The following SLC24A3 variants were observed in gnomAD, a reference collection of about 807,000 sequenced individuals.
The protein encoded by SLC24A3 is solute carrier family 24 member 3.
A neutral mutation model predicts 75.8 loss-of-function variants in SLC24A3; 28 were observed. The ratio of observed to expected loss-of-function variants is 0.37; its 90% CI spans 0.27 to 0.51. The LOEUF is 0.51. Among genes scored for constraint, SLC24A3 ranks in the 20% least tolerant of loss-of-function variants. The probability of loss-of-function intolerance (pLI) is 0.94; values close to 1 mark genes in which losing one functional copy is unlikely to be tolerated. For synonymous variants in SLC24A3, 372 were observed against 334.1 expected (o/e 1.11, Z -1.24); for missense variants, 663 against 847.8 (o/e 0.78, Z 2.71).
rs548471433 is a variant in SLC24A3 at position 19,696,625 on chromosome 20, C to T, written c.1492-172C>T. 628 of 503,946 alleles carry T rather than the reference C, an allele frequency of 1.2e-3. 2 individuals are homozygous for T. The highest frequency in any genetic ancestry group is 4.0e-3 in the South Asian group (109 of 27,108). The allele number at this position is 503,946 out of a possible 1,614,324, so 31.2% of individuals were successfully genotyped here. On this transcript the variant is annotated intron_variant, in intron 13 of 16. Transcript: ENST00000328041. ...AGCACCGTCCCCTGACCTGCAGCCC[C>T]GGTCGGCATCCACATAGTGTTTGTC...
chr20:19,490,779 G>A (rs988662692), intron 2 of SLC24A3, among the ~76,000 whole-genome samples: 1 of 152,116 alleles, frequency 6.6e-6, no homozygotes, highest in African/African-American at 2.4e-5. Flanking sequence ...ACTGCCTAGG[G>A]GGCAAATGGG....
At chr20:19,213,090 A>G (rs1981452530) in intron 1 of SLC24A3, 106 bp downstream of exon 1, 7 of 1,124,416 alleles carry the variant, frequency 6.2e-6, no homozygotes, top group Non-Finnish European at 7.7e-6. Context: ...GAGCCCCAGG[A>G]TAAGCGGGCT....
chr20:19,365,177 T>C (rs1357839062), intron 2 of SLC24A3, among the ~76,000 whole-genome samples: 1 of 152,198 alleles, frequency 6.6e-6, no homozygotes, highest in Non-Finnish European at 1.5e-5. Flanking sequence ...TGACTTTCCC[T>C]CAAGCCAACT....
chr20:19,407,145 G>C (rs1986661207), intron 2 of SLC24A3, among the ~76,000 whole-genome samples: 2 of 152,150 alleles, frequency 1.3e-5, no homozygotes, highest in Non-Finnish European at 2.9e-5. Context: ...GGATCTTGTT[G>C]GATGCATTAA....
intron 2 of SLC24A3, among the ~76,000 whole-genome samples, chr20:19,404,484 C>T (rs1986607072): frequency 6.6e-6 from 1 of 152,178 alleles, no homozygotes; most frequent in African/African-American, 2.4e-5. Context: ...AAGGAATTAC[C>T]AGGAAACAAG....
chr20:19,612,696 C>A (rs182421262), intron 6 of SLC24A3, among the ~76,000 whole-genome samples: 8 of 151,998 alleles, frequency 5.3e-5, no homozygotes, highest in African/African-American at 1.9e-4. Flanking sequence ...ATCACCCCCC[C>A]TCTGCTGCCA....
intron 2 of SLC24A3, among the ~76,000 whole-genome samples, chr20:19,333,147 A>G (rs769678077): frequency 6.6e-6 from 1 of 152,198 alleles, no homozygotes; most frequent in Non-Finnish European, 1.5e-5. Context: ...ACTTCAAGCC[A>G]TGTGGCTGTC....
At chr20:19,299,177 CGTGTGTGTGTGT>C (rs761006484) in intron 2 of SLC24A3, among the ~76,000 whole-genome samples, 2 of 130,320 alleles carry the variant, frequency 1.5e-5, no homozygotes, top group Non-Finnish European at 3.1e-5. Flanking sequence ...TCTTCCCCTT[CGTGTGTGTGTGT>C]GTGTGTGTAT....
At chr20:19,485,384 G>A (rs1478442266) in intron 2 of SLC24A3, among the ~76,000 whole-genome samples, 1 of 152,100 alleles carries the variant, frequency 6.6e-6, no homozygotes, top group Non-Finnish European at 1.5e-5. Context: ...GAAAATTGCA[G>A]TATACATACC....
intron 2 of SLC24A3, among the ~76,000 whole-genome samples, chr20:19,509,326 C>T (rs1303051175): frequency 2.0e-5 from 3 of 152,194 alleles, no homozygotes; most frequent in Non-Finnish European, 2.9e-5. Flanking sequence ...TTAAAAAATG[C>T]GCTGAGTACT....
chr20:19,393,561 A>G (rs1020117899), intron 2 of SLC24A3, among the ~76,000 whole-genome samples: 2 of 152,214 alleles, frequency 1.3e-5, no homozygotes, highest in African/African-American at 4.8e-5. Context: ...TAAAATAACA[A>G]TGAATAAGCT....
Position 19,593,889 on chromosome 20 carries a change from C to T in SLC24A3, c.612+8345C>T, listed in dbSNP as rs967309479. On this transcript the variant is annotated intron_variant, in intron 6 of 16. Transcript: ENST00000328041. ...AATGCCTTCTTCCGCACTGCTGCAACATGTGACATCTGCTGAGCTCGTTCT... is the reference window on the plus strand; with the variant it reads ...AATGCCTTCTTCCGCACTGCTGCAATATGTGACATCTGCTGAGCTCGTTCT... Among the ~76,000 whole-genome samples the T allele has an allele frequency of 1.6e-4, 24 of 152,180 alleles. 1 individual carries two copies. The highest frequency in any genetic ancestry group is 3.2e-3 in the Middle Eastern group (1 of 316).
At chr20:19,506,437 A>T (rs114507714) in intron 2 of SLC24A3, among the ~76,000 whole-genome samples, 2,594 of 152,254 alleles carry the variant, frequency 0.017, 67 homozygotes, top group African/African-American at 0.059. Context: ...ATGCCCTTAA[A>T]AAAACAAGAA....
At chr20:19,443,511 A>T (rs1163337349) in intron 2 of SLC24A3, among the ~76,000 whole-genome samples, 1 of 152,166 alleles carries the variant, frequency 6.6e-6, no homozygotes, top group African/African-American at 2.4e-5. Flanking sequence ...TGACTTTTGT[A>T]AATTAACCTT....
intron 1 of SLC24A3, among the ~76,000 whole-genome samples, chr20:19,248,820 A>G (rs967462580): frequency 6.6e-6 from 1 of 151,750 alleles, no homozygotes; most frequent in Non-Finnish European, 1.5e-5. Flanking sequence ...TTCAGACTTG[A>G]AAGATGATGT....
At chr20:19,623,945 G>A (rs2031836631) in intron 6 of SLC24A3, among the ~76,000 whole-genome samples, 2 of 152,158 alleles carry the variant, frequency 1.3e-5, no homozygotes, top group South Asian at 4.1e-4. Flanking sequence ...AGGGGGAATT[G>A]AAGAGCATGC....
chr20:19,411,862 T>C (rs979237705), intron 2 of SLC24A3, among the ~76,000 whole-genome samples: 1 of 152,212 alleles, frequency 6.6e-6, no homozygotes, highest in Admixed American at 6.5e-5. Context: ...GTTGACAATT[T>C]TTTTGTACAT....
chr20:19,501,596 A>G (rs2122542957), intron 2 of SLC24A3, among the ~76,000 whole-genome samples: 2 of 152,344 alleles, frequency 1.3e-5, no homozygotes, highest in Middle Eastern at 3.4e-3. Context: ...ACTGGTTTCC[A>G]ATATCATTTT....
chr20:19,663,413 C>CACCTCCACCTCCTCCTCCACT (rs1555805454), intron 7 of SLC24A3, among the ~76,000 whole-genome samples: 4 of 5,892 alleles, frequency 6.8e-4, no homozygotes, highest in East Asian at 2.3e-3. Context: ...CCTCCACCTC[C>CACCTCCACCTCCTCCTCCACT]TCCTCCTCCT....
Sources: allele counts gnomAD v4.1 joint callset (sites outside exome capture counted in the v4.1 genomes callset), GRCh38; gene constraint gnomAD v4.1.1; transcripts MANE v1.5; gene names NCBI Gene and HGNC (gene_info 2026-07-23, HGNC 2026-07-21).